FGF13: variants seen among roughly 807,000 people sequenced by gnomAD.
The protein encoded by FGF13 is fibroblast growth factor homologous factor 2.
A neutral mutation model predicts 19.5 loss-of-function variants in FGF13; 2 were observed. The observed-to-expected ratio is 0.10, with a 90% confidence interval of 0.04 to 0.32. FGF13 has a LOEUF of 0.32. FGF13 is among the 10% of genes least tolerant of loss of function. The pLI, the probability that FGF13 is intolerant of heterozygous loss-of-function variation, is 1.00. For missense variants in FGF13, 113 were observed against 192.7 expected (o/e 0.59, Z 2.45); for synonymous variants, 72 against 76.9 (o/e 0.94, Z 0.33).
At chrX:138,702,240 T>C (rs1208232956) in intron 3 of FGF13, among the ~76,000 whole-genome samples, 1 of 111,825 alleles carries the variant, frequency 8.9e-6, no homozygotes, top group Non-Finnish European at 1.9e-5. Flanking sequence ...ATATATCAAA[T>C]AGTCTCTTAT....
intron 1 of FGF13, among the ~76,000 whole-genome samples, chrX:139,118,547 C>T (rs2124469977): frequency 8.9e-6 from 1 of 111,884 alleles, no homozygotes; most frequent in African/African-American, 3.2e-5. Context: ...CAGAACCTTA[C>T]TGTAACCCTT....
At chrX:138,951,837 T>TA (rs2091814494) in intron 1 of FGF13, among the ~76,000 whole-genome samples, 1 of 111,631 alleles carries the variant, frequency 9.0e-6, no homozygotes, top group Admixed American at 9.6e-5. Context: ...CTTGAAATGG[T>TA]AAACATACTT....
chrX:138,871,455 T>C (rs1396536212), intron 1 of FGF13, among the ~76,000 whole-genome samples: 2 of 112,091 alleles, frequency 1.8e-5, no homozygotes, highest in Non-Finnish European at 3.8e-5. Flanking sequence ...AAACAAATTG[T>C]TAAGCTGAGA....
intron 1 of FGF13, among the ~76,000 whole-genome samples, chrX:139,071,167 C>A (rs757876443): frequency 1.8e-5 from 2 of 111,736 alleles, no homozygotes; most frequent in African/African-American, 6.5e-5. Flanking sequence ...GAATCTTTAT[C>A]TTTAAACCAA....
At chrX:139,173,231 T>C (rs1282241132) in intron 1 of FGF13, among the ~76,000 whole-genome samples, 2 of 111,382 alleles carry the variant, frequency 1.8e-5, no homozygotes, top group Non-Finnish European at 3.8e-5. Context: ...ATCTGGACTT[T>C]AGTCCCAGCT....
At chrX:138,943,465 T>C (rs2091768270) in intron 1 of FGF13, among the ~76,000 whole-genome samples, 2 of 112,004 alleles carry the variant, frequency 1.8e-5, no homozygotes, top group African/African-American at 6.5e-5. Flanking sequence ...TGAATTCCTA[T>C]GAAAATCACA....
At position 139,106,311 on chromosome X, in the gene FGF13, C is replaced by T. The variant is rs997057807; in HGVS notation, c.-113+97105G>A. 2.1e-4 allele frequency among the ~76,000 whole-genome samples: 24 copies of T among 112,767 alleles called. No homozygotes were observed. In the East Asian group the frequency reaches 6.7e-3, roughly 32 times the overall value. On this transcript the variant is annotated intron_variant, in intron 1 of 2. Transcript: ENST00000421460. ...ACAGAGCCACAGAAAAGTTGGGTGA[C>T]TTACCCAAGGCCATCCAGCTGGGCA... is the stretch of plus-strand genomic sequence containing the variant.
chrX:138,651,958 T>C (rs2089379701), intron 3 of FGF13, among the ~76,000 whole-genome samples: 1 of 111,236 alleles, frequency 9.0e-6, no homozygotes, highest in Admixed American at 9.6e-5. Context: ...ATAAAGCAGA[T>C]CATGTCATTC....
At chrX:139,160,563 G>T (rs6528596) in intron 1 of FGF13, among the ~76,000 whole-genome samples, 13,216 of 110,887 alleles carry the variant, frequency 0.12, 1,297 homozygotes, top group African/African-American at 0.33. Flanking sequence ...GCTGATTTTT[G>T]GAAAAGATTA....
At chrX:138,683,042 T>C (rs1485111567) in intron 3 of FGF13, among the ~76,000 whole-genome samples, 1 of 111,222 alleles carries the variant, frequency 9.0e-6, no homozygotes, top group Non-Finnish European at 1.9e-5. Context: ...TAAAAAATGT[T>C]GATATTTAGG....
chrX:138,666,107 T>C (rs2089540912), intron 3 of FGF13, among the ~76,000 whole-genome samples: 1 of 111,302 alleles, frequency 9.0e-6, no homozygotes, highest in Non-Finnish European at 1.9e-5. Flanking sequence ...TTCAATTGTC[T>C]ACATTTTGAA....
intron 3 of FGF13, among the ~76,000 whole-genome samples, chrX:138,647,997 A>G (rs943024766): frequency 3.6e-5 from 4 of 112,269 alleles, no homozygotes; most frequent in Non-Finnish European, 7.5e-5. Context: ...AAAATAACAA[A>G]TAATTCTACA....
intron 1 of FGF13, among the ~76,000 whole-genome samples, chrX:138,939,934 C>T (rs760713077): frequency 2.7e-5 from 3 of 111,534 alleles, no homozygotes; most frequent in Non-Finnish European, 5.7e-5. Context: ...GGTATATACC[C>T]AACAATGGAA....
chrX:138,672,273 A>C (rs905413119), intron 3 of FGF13, among the ~76,000 whole-genome samples: 3 of 111,855 alleles, frequency 2.7e-5, no homozygotes, highest in African/African-American at 9.7e-5. Flanking sequence ...ACTGTGGAGC[A>C]CAAAGTGGGG....
intron 1 of FGF13, among the ~76,000 whole-genome samples, chrX:138,896,278 A>G (rs1416132446): frequency 9.0e-6 from 1 of 111,686 alleles, no homozygotes; most frequent in African/African-American, 3.3e-5. Context: ...GTCACATTGT[A>G]CCCCATAAAT....
chrX:138,995,125 G>C (rs952860947), intron 1 of FGF13, among the ~76,000 whole-genome samples: 1 of 110,503 alleles, frequency 9.0e-6, no homozygotes, highest in African/African-American at 3.3e-5. Context: ...CCATCCCCTA[G>C]CAATGGTCAC....
At chrX:138,719,347 T>C (rs2090131966) in intron 1 of FGF13, among the ~76,000 whole-genome samples, 1 of 112,452 alleles carries the variant, frequency 8.9e-6, no homozygotes, top group Admixed American at 9.4e-5. Context: ...TAACTTCTTA[T>C]AGCAATATTT....
At chrX:138,908,025 T>C (rs2091566610) in intron 1 of FGF13, among the ~76,000 whole-genome samples, 1 of 89,970 alleles carries the variant, frequency 1.1e-5, no homozygotes, top group Non-Finnish European at 2.4e-5. Flanking sequence ...GATGTATATG[T>C]CTGTAGAGTA....
At chrX:138,881,566 T>A (rs2091424998) in intron 1 of FGF13, among the ~76,000 whole-genome samples, 1 of 111,808 alleles carries the variant, frequency 8.9e-6, no homozygotes, top group South Asian at 3.7e-4. Flanking sequence ...TAGTTTCAAA[T>A]TACGGATTCC....
Sources: allele counts gnomAD v4.1 joint callset (sites outside exome capture counted in the v4.1 genomes callset), GRCh38; gene constraint gnomAD v4.1.1; transcripts MANE v1.5; gene names NCBI Gene and HGNC (gene_info 2026-07-23, HGNC 2026-07-21).